The following TLK1 variants were observed in gnomAD, a reference collection of about 807,000 sequenced individuals.
The protein encoded by TLK1 is serine/threonine-protein kinase tousled-like 1.
A neutral mutation model predicts 105.3 loss-of-function variants in TLK1; 24 were observed. The ratio of observed to expected loss-of-function variants is 0.23; its 90% CI spans 0.17 to 0.32. The LOEUF (loss-of-function observed/expected upper bound fraction) is 0.32, where lower values mean the gene tolerates loss of function less well. Ranked by LOEUF, TLK1 falls within the 10% of genes least tolerant of loss-of-function variation. The pLI, the probability that TLK1 is intolerant of heterozygous loss-of-function variation, is 1.00. For synonymous variants in TLK1, 321 were observed against 310.4 expected, an observed-to-expected ratio of 1.03 and a Z score of -0.36; for missense variants, 558 against 910.5, an observed-to-expected ratio of 0.61 and a Z score of 4.98.
chr2:171,223,032 T>C (rs1192408152), intron 1 of TLK1, among the ~76,000 whole-genome samples: 1 of 151,982 alleles, frequency 6.6e-6, no homozygotes, highest in Non-Finnish European at 1.5e-5. Context: ...CCAGGCTCAT[T>C]TCGAACTCCT....
intron 3 of TLK1, among the ~76,000 whole-genome samples, chr2:171,078,811 A>C (rs764445844): frequency 5.3e-5 from 8 of 152,330 alleles, no homozygotes; most frequent in South Asian, 4.1e-4. Flanking sequence ...TTTATAAAGA[A>C]GGCTGTATTC....
At chr2:171,056,627 G>T (rs1687514904) in intron 5 of TLK1, 61 bp from the exon 6 acceptor site, 1 of 1,330,206 alleles carries the variant, frequency 7.5e-7, no homozygotes, top group Middle Eastern at 2.0e-4. Flanking sequence ...AGTTATTTCA[G>T]ATATGACATT....
chr2:171,128,432 A>AATTT (rs1445545840), intron 1 of TLK1, among the ~76,000 whole-genome samples: 1 of 152,192 alleles, frequency 6.6e-6, no homozygotes. Flanking sequence ...TTGTTAAAGT[A>AATTT]AAATAAGTTT....
At chr2:171,008,637 G>A (rs1684755657) in intron 14 of TLK1, among the ~76,000 whole-genome samples, 1 of 151,964 alleles carries the variant, frequency 6.6e-6, no homozygotes, top group African/African-American at 2.4e-5. Context: ...TCCCATCCTG[G>A]TATAAAATAC....
At chr2:171,116,422 C>T (rs759762959) in intron 2 of TLK1, among the ~76,000 whole-genome samples, 14 of 152,032 alleles carry the variant, frequency 9.2e-5, no homozygotes, top group Non-Finnish European at 1.6e-4. Context: ...CAAAATAGGC[C>T]GACCGTGGTG....
intron 1 of TLK1, among the ~76,000 whole-genome samples, chr2:171,210,236 A>G (rs1177391445): frequency 1.3e-5 from 2 of 152,264 alleles, no homozygotes; most frequent in African/African-American, 4.8e-5. Context: ...AAAGAGAAAT[A>G]AGGTTATAAT....
intron 3 of TLK1, among the ~76,000 whole-genome samples, chr2:171,071,349 G>A (rs995996488): frequency 1.3e-5 from 2 of 151,714 alleles, no homozygotes; most frequent in South Asian, 2.1e-4. Context: ...GTGCAGTGGC[G>A]TGATCTCAGC....
At position 170,993,758 on chromosome 2, in the gene TLK1, T is replaced by C. The variant is rs377135024; in HGVS notation, c.*22A>G. 1.5e-5 allele frequency: 23 copies of C among 1,512,286 alleles called. No homozygotes were observed. The highest frequency in any genetic ancestry group is 2.0e-5 in the Non-Finnish European group (23 of 1,125,940). The allele number at this position is 1,512,286 out of a possible 1,614,324, so 93.7% of individuals were successfully genotyped here. ...GCATCTGGAAGCAAATTCAAAGATA[T>C]CATGCCAATCTTGGAGGAAAGTCAG... is the stretch of plus-strand genomic sequence containing the variant. On this transcript the variant is annotated 3_prime_UTR_variant, in exon 21 of 21. Transcript: ENST00000431350.
chr2:171,109,944 G>C (rs957553126), intron 2 of TLK1, among the ~76,000 whole-genome samples: 4 of 152,194 alleles, frequency 2.6e-5, no homozygotes, highest in Admixed American at 6.5e-5. Flanking sequence ...CTAATCTGTA[G>C]TGACAGAAAT....
At chr2:171,103,051 G>A (rs1325363497) in intron 2 of TLK1, among the ~76,000 whole-genome samples, 1 of 152,012 alleles carries the variant, frequency 6.6e-6, no homozygotes, top group Non-Finnish European at 1.5e-5. Context: ...TGAAGTCAGC[G>A]TGAAGTGTGT....
chr2:171,066,759 C>T, intron 3 of TLK1: 1 of 1,388,682 alleles, frequency 7.2e-7, no homozygotes. Flanking sequence ...CCTTCTCTGG[C>T]TATCCCTTTA....
chr2:170,997,838 G>GGA lies in TLK1; in HGVS notation c.1905-17_1905-16dup. ...GAGGTAAATACCTGTAAGTTTTGTGGGAGAGAAAAAAGGTTACTACTGACA... is the reference window on the plus strand; with the variant it reads ...GAGGTAAATACCTGTAAGTTTTGTGGGAGAGAGAAAAAAGGTTACTACTGACA... On this transcript the variant is annotated splice_polypyrimidine_tract_variant and intron_variant, in intron 18 of 20. Transcript: ENST00000431350. The GGA allele has an allele frequency of 6.6e-7, 1 of 1,519,870 alleles. No individual in the cohort carries two copies. The highest frequency in any genetic ancestry group is 1.3e-5 in the South Asian group (1 of 79,584). The allele number at this position is 1,519,870 out of a possible 1,614,324, so 94.1% of individuals were successfully genotyped here.
At chr2:171,202,791 T>C (rs553685248) in intron 1 of TLK1, among the ~76,000 whole-genome samples, 1 of 152,252 alleles carries the variant, frequency 6.6e-6, no homozygotes, top group African/African-American at 2.4e-5. Flanking sequence ...AACAGAACTT[T>C]ATATTTATCT....
At position 171,129,508 on chromosome 2, in the gene TLK1, G is replaced by A. The variant is rs541365615; in HGVS notation, c.140-11651C>T. ...TTTGTAAGAAGTCCAAGTTGAATAC[G>A]ATCTACCTATTAAAGCACAACTGAA... On this transcript the variant is annotated intron_variant, in intron 1 of 20. Coordinates refer to ENST00000431350, the MANE Select transcript of TLK1 (RefSeq NM_012290.5). Among the ~76,000 whole-genome samples, 19 of 152,226 alleles carry A rather than the reference G, an allele frequency of 1.2e-4. No individual in the cohort carries two copies. The South Asian group carries it at 2.7e-3, about 22-fold the overall frequency.
At chr2:171,186,989 C>T (rs1282634608) in intron 1 of TLK1, among the ~76,000 whole-genome samples, 3 of 127,454 alleles carry the variant, frequency 2.4e-5, no homozygotes, top group Non-Finnish European at 4.7e-5. Flanking sequence ...ACCTGGGAGG[C>T]AGAGGCTGCA....
Position 171,056,241 on chromosome 2 carries a change from G to T in TLK1, c.549+230C>A, listed in dbSNP as rs552259216. ...CTTTTAACATAAACAATGCTTCTTGGATATAATTAATTCAGAAAATCTTTA... is the reference window on the plus strand; with the variant it reads ...CTTTTAACATAAACAATGCTTCTTGTATATAATTAATTCAGAAAATCTTTA... On this transcript the variant is annotated intron_variant, in intron 6 of 20. Coordinates refer to ENST00000431350, the MANE Select transcript of TLK1 (RefSeq NM_012290.5). Among the ~76,000 whole-genome samples the T allele has an allele frequency of 5.9e-5, 9 of 152,066 alleles. No individual in the cohort carries two copies. The South Asian group carries it at 1.7e-3, about 28-fold the overall frequency.
intron 11 of TLK1, among the ~76,000 whole-genome samples, chr2:171,030,259 A>C (rs1685976509): frequency 6.6e-6 from 1 of 152,190 alleles, no homozygotes; most frequent in African/African-American, 2.4e-5. Context: ...TATTCAAAGG[A>C]AATAAACAAA....
intron 2 of TLK1, among the ~76,000 whole-genome samples, chr2:171,107,984 G>A (rs552063407): frequency 6.6e-6 from 1 of 151,824 alleles, no homozygotes; most frequent in East Asian, 1.9e-4. Context: ...TTGAGCCTAG[G>A]AGGCAGAGGC....
At chr2:170,999,222 TA>T (rs1345900313) in intron 18 of TLK1, among the ~76,000 whole-genome samples, 1 of 148,058 alleles carries the variant, frequency 6.8e-6, no homozygotes, top group African/African-American at 2.6e-5. Context: ...GGGAATTTAC[TA>T]TTTTTTTTAA....
Sources: allele counts gnomAD v4.1 joint callset (sites outside exome capture counted in the v4.1 genomes callset), GRCh38; gene constraint gnomAD v4.1.1; transcripts MANE v1.5; gene names NCBI Gene and HGNC (gene_info 2026-07-23, HGNC 2026-07-21).